Variants in RPS6KC1 observed in about 807,000 individuals in gnomAD.
RPS6KC1 encodes the protein inactive ribosomal protein S6 kinase delta-1.
Under a neutral mutation model 103.8 loss-of-function variants are expected in RPS6KC1, and 54 were observed. The observed-to-expected ratio is 0.52, with a 90% CI of 0.42 to 0.65. The LOEUF is 0.65. Among genes scored for constraint, RPS6KC1 ranks in the 30% least tolerant of loss-of-function variants. The pLI is 0.00. For synonymous variants in RPS6KC1, 439 were observed against 438.7 expected, an observed-to-expected ratio of 1.00 and a Z score of -0.01; for missense variants, 1,151 against 1,253.8, an observed-to-expected ratio of 0.92 and a Z score of 1.24.
chr1:213,550,085 T>C, the RPS6KC1 span, among the ~76,000 whole-genome samples: 5 of 152,178 alleles, frequency 3.3e-5, no homozygotes, highest in Non-Finnish European at 7.3e-5. Flanking sequence ...GAAGTCATCA[T>C]TTAAATAAAC....
intron 7 of RPS6KC1, among the ~76,000 whole-genome samples, chr1:213,173,221 A>AT (rs1392925853): frequency 6.6e-6 from 1 of 152,188 alleles, no homozygotes; most frequent in African/African-American, 2.4e-5. Flanking sequence ...GAGAAATACA[A>AT]TTTTTTTATT....
chr1:213,832,935 G>T, the RPS6KC1 span, among the ~76,000 whole-genome samples: 6 of 152,128 alleles, frequency 3.9e-5, no homozygotes, highest in Non-Finnish European at 7.3e-5. Context: ...TAACTTAGCT[G>T]CAGCCTGACA....
At chr1:213,645,757 T>G in the RPS6KC1 span, among the ~76,000 whole-genome samples, 1 of 152,172 alleles carries the variant, frequency 6.6e-6, no homozygotes, top group East Asian at 1.9e-4. Context: ...GAAATTGGGT[T>G]TGTATTTGAT....
intron 10 of RPS6KC1, among the ~76,000 whole-genome samples, chr1:213,239,331 C>CT (rs1323845512): frequency 6.7e-6 from 1 of 149,558 alleles, no homozygotes; most frequent in Non-Finnish European, 1.5e-5. Flanking sequence ...GAGTGAGACT[C>CT]TAAGAAAAAA....
chr1:213,783,728 T>C, the RPS6KC1 span, among the ~76,000 whole-genome samples: 1 of 146,328 alleles, frequency 6.8e-6, no homozygotes, highest in African/African-American at 2.5e-5. Context: ...AAGACTCCAC[T>C]TAATAACAGC....
the RPS6KC1 span, among the ~76,000 whole-genome samples, chr1:213,559,364 C>T: frequency 4.6e-5 from 7 of 152,062 alleles, no homozygotes; most frequent in African/African-American, 2.4e-5. Flanking sequence ...CTTTGGCAGC[C>T]CTCCTGTGTT....
chr1:213,094,266 C>G (rs1432361293), intron 3 of RPS6KC1, among the ~76,000 whole-genome samples: 1 of 152,062 alleles, frequency 6.6e-6, no homozygotes, highest in Non-Finnish European at 1.5e-5. Flanking sequence ...TCCCTACTCC[C>G]CATGTTTCTG....
chr1:213,764,654 G>A, the RPS6KC1 span, among the ~76,000 whole-genome samples: 3 of 152,076 alleles, frequency 2.0e-5, no homozygotes, highest in South Asian at 2.1e-4. Context: ...TTCAGTGGAC[G>A]CTCTTGGGGA....
intron 12 of RPS6KC1, among the ~76,000 whole-genome samples, chr1:213,259,577 AC>A (rs2094730901): frequency 6.6e-6 from 1 of 152,028 alleles, no homozygotes. Context: ...AATACTCACC[AC>A]CCCAGAGGCA....
the RPS6KC1 span, among the ~76,000 whole-genome samples, chr1:213,362,304 C>T: frequency 2.0e-5 from 3 of 152,178 alleles, no homozygotes; most frequent in Admixed American, 6.5e-5. Context: ...CACTTTTTCT[C>T]GGCTATGTAA....
At chr1:213,454,190 T>G in the RPS6KC1 span, among the ~76,000 whole-genome samples, 1 of 152,124 alleles carries the variant, frequency 6.6e-6, no homozygotes, top group East Asian at 1.9e-4. Flanking sequence ...AAGGGTCAAC[T>G]CTATCTTAGA....
rs569489394 is a variant in RPS6KC1, at chr1:213,127,842, C to T, written c.473-1685C>T. 6.6e-5 allele frequency among the ~76,000 whole-genome samples: 10 copies of T among 152,136 alleles called. No individual in the cohort carries two copies. In the South Asian group the frequency reaches 1.4e-3, roughly 22 times the overall value. ...ATAATGAAATGTGCTGTCAACATTT[C>T]GAAGATCTTTATAACTAAGGGAACC... On this transcript the variant is annotated intron_variant, in intron 5 of 14. Coordinates refer to ENST00000366960, the MANE Select transcript of RPS6KC1 (RefSeq NM_012424.6).
chr1:213,051,348 G>T lies in RPS6KC1; in HGVS notation c.-57G>T. ...GTTGGGGAACCTGGACCGCGGCGGC[G>T]CCGGGTTTCCCTCATGATCCCGGGC... On this transcript the variant is annotated 5_prime_UTR_variant, in exon 1 of 15. Coordinates refer to ENST00000366960, the MANE Select transcript of RPS6KC1 (RefSeq NM_012424.6). 1 of 1,392,642 alleles carries T rather than the reference G, an allele frequency of 7.2e-7. No individual in the cohort carries two copies. Among genetic ancestry groups the T allele is most frequent in the Non-Finnish European group, 1.0e-6 (1 of 986,542 alleles). The allele number at this position is 1,392,642 out of a possible 1,614,324, so 86.3% of individuals were successfully genotyped here.
the RPS6KC1 span, among the ~76,000 whole-genome samples, chr1:213,578,232 C>T: frequency 0.043 from 6,582 of 152,344 alleles, 190 homozygotes; most frequent in East Asian, 0.11. Context: ...GTTTGGGAAC[C>T]TCCACCTAGA....
the RPS6KC1 span, among the ~76,000 whole-genome samples, chr1:213,571,811 G>A: frequency 2.0e-5 from 3 of 152,154 alleles, no homozygotes; most frequent in Non-Finnish European, 4.4e-5. Flanking sequence ...TTGAAGCCAG[G>A]GGCAGTGCTC....
At chr1:213,316,982 G>T in the RPS6KC1 span, among the ~76,000 whole-genome samples, 6 of 152,142 alleles carry the variant, frequency 3.9e-5, no homozygotes, top group African/African-American at 1.4e-4. Context: ...GAGGGAGCCT[G>T]CCAGGTGAGG....
the RPS6KC1 span, among the ~76,000 whole-genome samples, chr1:213,749,265 G>C: frequency 6.6e-6 from 1 of 152,208 alleles, no homozygotes; most frequent in Non-Finnish European, 1.5e-5. Context: ...TGTTTGGCGG[G>C]CAGAAGGACA....
intron 6 of RPS6KC1, among the ~76,000 whole-genome samples, chr1:213,154,340 G>C (rs1469650217): frequency 6.6e-6 from 1 of 152,208 alleles, no homozygotes; most frequent in Non-Finnish European, 1.5e-5. Context: ...TTCCCTTCCT[G>C]GTGATGAAGT....
chr1:213,793,982 G>A, the RPS6KC1 span, among the ~76,000 whole-genome samples: 5 of 151,912 alleles, frequency 3.3e-5, no homozygotes, highest in Admixed American at 3.3e-4. Context: ...CGACTTCAAG[G>A]TTATGTGATT....
Sources: allele counts gnomAD v4.1 joint callset (sites outside exome capture counted in the v4.1 genomes callset), GRCh38; gene constraint gnomAD v4.1.1; transcripts MANE v1.5; gene names NCBI Gene and HGNC (gene_info 2026-07-23, HGNC 2026-07-21).